The following PDE1C variants were observed in gnomAD, a reference collection of about 807,000 sequenced individuals.
The protein encoded by PDE1C is phosphodiesterase 1C.
In PDE1C, 62 loss-of-function variants were observed where a neutral mutation model predicts 93.1. The observed-to-expected ratio is 0.67, with a 90% CI of 0.54 to 0.82. The LOEUF is 0.82. Ranked by LOEUF, PDE1C falls within the 40% of genes least tolerant of loss-of-function variation. The pLI, the probability that PDE1C is intolerant of heterozygous loss-of-function variation, is 0.00. For synonymous variants in PDE1C, 325 were observed against 310.1 expected (o/e 1.05, Z -0.50); for missense variants, 742 against 884.6 (o/e 0.84, Z 2.04).
At chr7:32,378,669 A>G (rs74983690) in intron 1 of PDE1C, among the ~76,000 whole-genome samples, 5,460 of 152,200 alleles carry the variant, frequency 0.036, 259 homozygotes, top group African/African-American at 0.1. Flanking sequence ...CATCACTCCA[A>G]CTGGACCCAC....
At chr7:32,122,272 G>A (rs1799343865) in intron 3 of PDE1C, among the ~76,000 whole-genome samples, 1 of 152,096 alleles carries the variant, frequency 6.6e-6, no homozygotes, top group Non-Finnish European at 1.5e-5. Context: ...CAATAATAGT[G>A]GGAGACTTCA....
chr7:32,241,332 GA>G, intron 1 of PDE1C, among the ~76,000 whole-genome samples: 1 of 152,314 alleles, frequency 6.6e-6, no homozygotes, highest in East Asian at 1.9e-4. Flanking sequence ...CTCCACTGAA[GA>G]AGAACCAAGA....
At chr7:31,675,108 C>T in the PDE1C span, among the ~76,000 whole-genome samples, 5 of 152,184 alleles carry the variant, frequency 3.3e-5, no homozygotes, top group African/African-American at 4.8e-5. Context: ...GGCAGGTGCA[C>T]TGGCAGCAGT....
At chr7:31,706,089 C>A in the PDE1C span, among the ~76,000 whole-genome samples, 10 of 134,586 alleles carry the variant, frequency 7.4e-5, 1 homozygote, top group East Asian at 2.4e-3. Context: ...GCTGCAATCT[C>A]TGCCTCCAGG....
At chr7:31,738,799 C>T in the PDE1C span, among the ~76,000 whole-genome samples, 1 of 152,106 alleles carries the variant, frequency 6.6e-6, no homozygotes, top group Non-Finnish European at 1.5e-5. Flanking sequence ...TCACCTGAAG[C>T]GGGGCACAGA....
downstream of PDE1C, among the ~76,000 whole-genome samples, chr7:31,747,848 A>T (rs1222172982): frequency 1.2e-5 from 1 of 81,728 alleles, no homozygotes; most frequent in South Asian, 7.8e-4. Context: ...GTCAGTCTGC[A>T]AAACATCTCA....
rs1305158471 is a variant in PDE1C at position 31,772,040 on chromosome 7, C to T, written c.1960+3624G>A. On this transcript the variant is annotated intron_variant, in intron 17 of 17. Coordinates refer to ENST00000396191, the MANE Select transcript of PDE1C (RefSeq NM_001191057.4). ...CAGCCTGGGCGAAAGAGCGGGACTC[C>T]GTCTCAAAAAAAAAAAAAAAAAGAA... is the stretch of plus-strand genomic sequence containing the variant. Among the ~76,000 whole-genome samples the T allele has an allele frequency of 2.5e-5, 3 of 121,958 alleles. No homozygotes were observed. In the East Asian group the frequency reaches 6.5e-4, roughly 27 times the overall value. 80.0% of individuals were successfully genotyped at this position (121,958 alleles called of 152,430 possible). A position where few individuals can be genotyped will look rare whatever the true frequency, so the allele number is the denominator to read the frequency against.
the PDE1C span, among the ~76,000 whole-genome samples, chr7:31,628,164 C>A: frequency 4.6e-5 from 7 of 152,166 alleles, no homozygotes; most frequent in Admixed American, 4.6e-4. Context: ...TCAAAAAGTG[C>A]CCTGAAGGAG....
intron 1 of PDE1C, among the ~76,000 whole-genome samples, chr7:32,410,392 TGGAGGG>T (rs1375756011): frequency 1.7e-5 from 1 of 59,670 alleles, no homozygotes; most frequent in Non-Finnish European, 3.4e-5. Context: ...GAGGAGGGGG[TGGAGGG>T]GGAGGAGGAG....
At chr7:31,779,954 G>T (rs1394789430) in intron 16 of PDE1C, among the ~76,000 whole-genome samples, 1 of 152,188 alleles carries the variant, frequency 6.6e-6, no homozygotes, top group Non-Finnish European at 1.5e-5. Flanking sequence ...TCCTGACCCA[G>T]CTTCTAAACT....
At chr7:32,135,318 C>G (rs924419754) in intron 3 of PDE1C, among the ~76,000 whole-genome samples, 4 of 151,954 alleles carry the variant, frequency 2.6e-5, no homozygotes, top group African/African-American at 9.7e-5. Flanking sequence ...GATCAACCAA[C>G]AAAATGAAAA....
chr7:31,618,400 C>T, the PDE1C span, among the ~76,000 whole-genome samples: 1 of 152,166 alleles, frequency 6.6e-6, no homozygotes, highest in Non-Finnish European at 1.5e-5. Flanking sequence ...ACTAATTAGG[C>T]TATTGAAGAA....
chr7:31,694,349 G>A, the PDE1C span, among the ~76,000 whole-genome samples: 1 of 144,718 alleles, frequency 6.9e-6, no homozygotes, highest in Non-Finnish European at 1.5e-5. Context: ...CAGATGCTTT[G>A]CAAACATTAA....
rs887799668 is a variant in PDE1C, at chr7:31,814,757, A to G, written c.1813+1167T>C. On this transcript the variant is annotated intron_variant, in intron 15 of 17. Coordinates refer to ENST00000396191, the MANE Select transcript of PDE1C (RefSeq NM_001191057.4). The stretch of plus-strand genomic sequence containing the variant: ...TGTTATTCTCTTCACTGTTTTTACT[A>G]TCATGAGTATTACTGAAGGTTCCAT... Among the ~76,000 whole-genome samples the G allele has an allele frequency of 2.0e-5, 3 of 150,100 alleles. No homozygotes were observed. The Admixed American group carries it at 2.0e-4, about 10-fold the overall frequency.
At chr7:32,311,924 G>A (rs910163848) in intron 1 of PDE1C, among the ~76,000 whole-genome samples, 5 of 151,852 alleles carry the variant, frequency 3.3e-5, no homozygotes, top group African/African-American at 7.3e-5. Flanking sequence ...GCAGGAGAAG[G>A]AAATAAAGGG....
intron 2 of PDE1C, among the ~76,000 whole-genome samples, chr7:32,011,597 G>A (rs1219991410): frequency 6.6e-6 from 1 of 152,182 alleles, no homozygotes; most frequent in East Asian, 1.9e-4. Context: ...ATCATTAGAT[G>A]TTGCAGAAAT....
At chr7:32,248,532 A>G (rs990232932) in intron 1 of PDE1C, among the ~76,000 whole-genome samples, 1 of 152,226 alleles carries the variant, frequency 6.6e-6, no homozygotes, top group African/African-American at 2.4e-5. Flanking sequence ...AAGACTACCC[A>G]CTGAATTACA....
At chr7:31,919,985 C>T (rs1802400319) in intron 2 of PDE1C, among the ~76,000 whole-genome samples, 1 of 152,188 alleles carries the variant, frequency 6.6e-6, no homozygotes, top group Non-Finnish European at 1.5e-5. Context: ...TCCTGTGAAG[C>T]CCCTAAATCT....
chr7:32,161,179 G>T (rs1801897645), intron 3 of PDE1C, among the ~76,000 whole-genome samples: 1 of 152,142 alleles, frequency 6.6e-6, no homozygotes, highest in African/African-American at 2.4e-5. Context: ...CCAGGCAGTG[G>T]GTCCCTGCCA....
Sources: gnomAD v4.1 joint callset for allele counts (sites outside exome capture counted in the v4.1 genomes callset) on GRCh38, gnomAD v4.1.1 for gene constraint, MANE v1.5 for transcripts, NCBI Gene and HGNC (gene_info 2026-07-23, HGNC 2026-07-21) for gene names.